KCNQ5: variants seen among roughly 807,000 people sequenced by gnomAD.
KCNQ5 encodes potassium voltage-gated channel subfamily KQT member 5.
A neutral mutation model predicts 98.2 loss-of-function variants in KCNQ5; 30 were observed. The ratio of observed to expected loss-of-function variants is 0.31; its 90% CI spans 0.23 to 0.41. The LOEUF is 0.41. Among genes scored for constraint, KCNQ5 ranks in the 10% least tolerant of loss-of-function variants. KCNQ5 has a pLI of 1.00. For synonymous variants in KCNQ5, 458 were observed against 449.4 expected (o/e 1.02, Z -0.24); for missense variants, 835 against 1,182.5 (o/e 0.71, Z 4.31).
At chr6:73,158,254 A>ATT (rs796118861) in intron 10 of KCNQ5, 598 of 23,296 alleles carry the variant, frequency 0.026, 16 homozygotes, top group Non-Finnish European at 0.03. Flanking sequence ...ATTTTGGAAG[A>ATT]TTTTTTTTTT....
At chr6:73,125,492 A>G (rs1217594845) in intron 9 of KCNQ5, 3 of 517,350 alleles carry the variant, frequency 5.8e-6, no homozygotes, top group Non-Finnish European at 3.9e-6. Flanking sequence ...GTGTTTCCAT[A>G]AAGAAATGAA....
At chr6:72,994,630 C>G (rs1045111141) in intron 1 of KCNQ5, among the ~76,000 whole-genome samples, 10 of 151,886 alleles carry the variant, frequency 6.6e-5, no homozygotes, top group Non-Finnish European at 1.3e-4. Flanking sequence ...CTGCGTCGCT[C>G]ACGCTGGGAG....
chr6:72,888,240 G>A (rs764149062), intron 1 of KCNQ5, among the ~76,000 whole-genome samples: 3 of 152,084 alleles, frequency 2.0e-5, no homozygotes, highest in Non-Finnish European at 2.9e-5. Context: ...AAGGTTTTTC[G>A]GAAATGATGA....
intron 10 of KCNQ5, among the ~76,000 whole-genome samples, chr6:73,159,988 G>A (rs1396268709): frequency 2.9e-5 from 4 of 137,938 alleles, no homozygotes; most frequent in Non-Finnish European, 4.6e-5. Context: ...TTCCGCTATG[G>A]TTTTTTTTGT....
intron 10 of KCNQ5, among the ~76,000 whole-genome samples, chr6:73,165,300 A>G (rs917466468): frequency 6.6e-6 from 1 of 152,068 alleles, no homozygotes; most frequent in Admixed American, 6.5e-5. Context: ...GGGACTCCTG[A>G]TAAAGTTTGT....
chr6:72,768,752 C>T (rs1332691667), intron 1 of KCNQ5, among the ~76,000 whole-genome samples: 2 of 150,090 alleles, frequency 1.3e-5, no homozygotes, highest in Non-Finnish European at 2.9e-5. Flanking sequence ...ATTTTTAAAA[C>T]CACTGTGTGT....
chr6:73,161,859 A>C (rs1268121645), intron 10 of KCNQ5, among the ~76,000 whole-genome samples: 2 of 152,174 alleles, frequency 1.3e-5, no homozygotes, highest in African/African-American at 4.8e-5. Flanking sequence ...TATAGAAAGT[A>C]GCAATTAGCA....
At chr6:72,932,067 T>C (rs1765716821) in intron 1 of KCNQ5, among the ~76,000 whole-genome samples, 1 of 152,118 alleles carries the variant, frequency 6.6e-6, no homozygotes. Context: ...GAGTTCCTCA[T>C]GAAAAGACCC....
At chr6:73,175,275 T>G (rs762269163) in intron 11 of KCNQ5, among the ~76,000 whole-genome samples, 38 of 152,070 alleles carry the variant, frequency 2.5e-4, no homozygotes, top group Non-Finnish European at 4.6e-4. Flanking sequence ...CTCCGCCTCC[T>G]GAGTAGCTGG....
At chr6:72,702,723 A>G (rs1768879215) in intron 1 of KCNQ5, among the ~76,000 whole-genome samples, 1 of 152,178 alleles carries the variant, frequency 6.6e-6, no homozygotes, top group African/African-American at 2.4e-5. Flanking sequence ...AGTAGTTTAC[A>G]TTTCCCTAGA....
intron 11 of KCNQ5, among the ~76,000 whole-genome samples, chr6:73,174,619 T>G (rs1259302451): frequency 1.3e-5 from 2 of 152,174 alleles, no homozygotes; most frequent in African/African-American, 4.8e-5. Context: ...CTGGTACCAT[T>G]GGCTAATTCT....
intron 1 of KCNQ5, among the ~76,000 whole-genome samples, chr6:72,863,212 C>G (rs1035893295): frequency 1.3e-5 from 2 of 152,068 alleles, no homozygotes; most frequent in East Asian, 3.9e-4. Context: ...AAAAAAACAG[C>G]CTTTTCCTGC....
At position 72,635,670 on chromosome 6, in the gene KCNQ5, G is replaced by GTT. The variant is rs528990234; in HGVS notation, c.398+13106_398+13107dup. On this transcript the variant is annotated intron_variant, in intron 1 of 13. Coordinates refer to ENST00000370398, the MANE Select transcript of KCNQ5 (RefSeq NM_019842.4). ...TTTTCTTCCAGTTAAATTGCTCCTA[G>GTT]TTTTTTTTTTTTTTTTTTTTTTTTC... 3.9e-3 allele frequency among the ~76,000 whole-genome samples: 255 copies of GTT among 65,056 alleles called. 4 individuals are homozygous for GTT. Among genetic ancestry groups the GTT allele is most frequent in the South Asian group, 0.011 (19 of 1,732 alleles). 42.7% of individuals were successfully genotyped at this position (65,056 alleles called of 152,430 possible).
At chr6:72,731,713 C>G (rs765710090) in intron 1 of KCNQ5, among the ~76,000 whole-genome samples, 44 of 152,190 alleles carry the variant, frequency 2.9e-4, no homozygotes, top group African/African-American at 1.0e-3. Flanking sequence ...CCCACTCTGT[C>G]ACTCATCTCC....
At chr6:72,822,932 C>T (rs1210018008) in intron 1 of KCNQ5, among the ~76,000 whole-genome samples, 2 of 152,140 alleles carry the variant, frequency 1.3e-5, no homozygotes, top group Non-Finnish European at 2.9e-5. Flanking sequence ...TCACTTAGAT[C>T]CCTGCTTCCA....
chr6:73,085,505 G>A (rs1005267089), intron 5 of KCNQ5, among the ~76,000 whole-genome samples: 3 of 152,188 alleles, frequency 2.0e-5, no homozygotes, highest in Non-Finnish European at 4.4e-5. Flanking sequence ...GAAAGTTATT[G>A]AGGCTGGGGG....
intron 10 of KCNQ5, among the ~76,000 whole-genome samples, chr6:73,137,927 T>C (rs1776538925): frequency 6.6e-6 from 1 of 152,126 alleles, no homozygotes; most frequent in African/African-American, 2.4e-5. Flanking sequence ...TCTTCCAACT[T>C]CAATCGGTCA....
At chr6:72,746,063 GCAAA>G (rs1771382126) in intron 1 of KCNQ5, among the ~76,000 whole-genome samples, 2 of 48,430 alleles carry the variant, frequency 4.1e-5, no homozygotes, top group African/African-American at 9.7e-5. Context: ...GACTCTATTT[GCAAA>G]AAAAAAAAAA....
chr6:73,115,476 C>A (rs1775452626), intron 7 of KCNQ5, among the ~76,000 whole-genome samples: 1 of 152,004 alleles, frequency 6.6e-6, no homozygotes, highest in Admixed American at 6.6e-5. Flanking sequence ...AACTTCACAC[C>A]AAGATTATCA....
Sources: gnomAD v4.1 joint callset for allele counts (sites outside exome capture counted in the v4.1 genomes callset) on GRCh38, gnomAD v4.1.1 for gene constraint, MANE v1.5 for transcripts, NCBI Gene and HGNC (gene_info 2026-07-23, HGNC 2026-07-21) for gene names.